PREP: variants seen among roughly 807,000 people sequenced by gnomAD.
The protein encoded by PREP is dJ355L5.1 (prolyl endopeptidase).
Under a neutral mutation model 87.6 loss-of-function variants are expected in PREP, and 29 were observed. The ratio of observed to expected loss-of-function variants is 0.33; its 90% CI spans 0.25 to 0.45. PREP has a LOEUF of 0.45. Among genes scored for constraint, PREP ranks in the 20% least tolerant of loss-of-function variants. The pLI is 1.00. For missense variants in PREP, 695 were observed against 886.5 expected, an observed-to-expected ratio of 0.78 and a Z score of 2.74; for synonymous variants, 337 against 328.6, an observed-to-expected ratio of 1.03 and a Z score of -0.28.
chr6:105,299,156 C>T (rs531847519), intron 10 of PREP, among the ~76,000 whole-genome samples: 2 of 152,196 alleles, frequency 1.3e-5, no homozygotes, highest in African/African-American at 4.8e-5. Flanking sequence ...TCAGTTCTTT[C>T]TCAGCCCTGA....
At chr6:105,353,208 A>G (rs1772003585) in intron 6 of PREP, 131 bp from the exon 7 acceptor site, 1 of 593,626 alleles carries the variant, frequency 1.7e-6, no homozygotes, top group South Asian at 2.8e-5. Context: ...TCATGATCTG[A>G]TAAGAAAGTT....
intron 6 of PREP, among the ~76,000 whole-genome samples, chr6:105,360,545 G>A (rs915518568): frequency 1.2e-4 from 19 of 152,156 alleles, no homozygotes; most frequent in Non-Finnish European, 2.1e-4. Context: ...CAATTCTACT[G>A]TGTATACTGT....
intron 10 of PREP, chr6:105,298,661 G>T: frequency 6.5e-6 from 1 of 153,720 alleles, no homozygotes; most frequent in South Asian, 2.0e-4. Context: ...GGAACGGCCA[G>T]ACTGGGACAT....
chr6:105,356,639 G>T (rs1475391397), intron 6 of PREP, among the ~76,000 whole-genome samples: 1 of 152,108 alleles, frequency 6.6e-6, no homozygotes, highest in East Asian at 1.9e-4. Flanking sequence ...TTGTGCCAGA[G>T]GCCAAAAAAT....
Position 105,329,198 on chromosome 6 carries a change from G to A in PREP, c.1016-172C>T, listed in dbSNP as rs545416656. Among the ~76,000 whole-genome samples, 15 of 151,562 alleles carry A rather than the reference G, an allele frequency of 9.9e-5. 1 individual carries two copies. The South Asian group carries it at 3.1e-3, about 32-fold the overall frequency. On this transcript the variant is annotated intron_variant, in intron 8 of 14. Coordinates refer to ENST00000652536, the MANE Select transcript of PREP (RefSeq NM_002726.5). ...GACAGGGTCTTGCTGTGTCGCCCAG[G>A]CTTGAGTACAGTAGTGCAATCTCAG...
chr6:105,359,338 C>T (rs549198027), intron 6 of PREP, among the ~76,000 whole-genome samples: 1 of 152,256 alleles, frequency 6.6e-6, no homozygotes, highest in South Asian at 2.1e-4. Flanking sequence ...CAGAGAGGGG[C>T]ATCTACAGGG....
rs57359340 is a variant in PREP at position 105,277,228 on chromosome 6, G to GAAACAAAC, written c.*915_*916insGTTTGTTT. ...ATTTCCAGGAGTGATCTATGCAGGA[G>GAAACAAAC]AAACAGCTTGGGAAATGCTGAAATT... On this transcript the variant is annotated 3_prime_UTR_variant, in exon 15 of 15. Coordinates refer to ENST00000652536, the MANE Select transcript of PREP (RefSeq NM_002726.5). Among the ~76,000 whole-genome samples the GAAACAAAC allele has an allele frequency of 3.3e-5, 5 of 150,800 alleles. No individual in the cohort carries two copies. Among genetic ancestry groups the GAAACAAAC allele is most frequent in the African/African-American group, 1.2e-4 (5 of 40,826 alleles).
chr6:105,323,291 C>A (rs2793389), intron 10 of PREP, among the ~76,000 whole-genome samples: 55,424 of 151,902 alleles, frequency 0.36, 14,286 homozygotes, highest in African/African-American at 0.74. Flanking sequence ...CACTTAAGTC[C>A]ATACTTTACA....
intron 10 of PREP, chr6:105,302,842 C>T (rs1413801531): frequency 2.5e-5 from 9 of 356,356 alleles, no homozygotes; most frequent in Non-Finnish European, 3.8e-5. Flanking sequence ...AGGCCGCCCC[C>T]GCCGCCTGCT....
intron 7 of PREP, among the ~76,000 whole-genome samples, chr6:105,338,244 T>C (rs576587516): frequency 6.6e-6 from 1 of 152,320 alleles, no homozygotes; most frequent in East Asian, 1.9e-4. Context: ...AACCACCTTA[T>C]GGTTTCTGCC....
intron 1 of PREP, among the ~76,000 whole-genome samples, chr6:105,398,510 T>C (rs754744030): frequency 6.6e-6 from 1 of 152,266 alleles, no homozygotes; most frequent in Non-Finnish European, 1.5e-5. Flanking sequence ...TTAAAACTAA[T>C]GCCTTTCTTC....
At chr6:105,292,670 ACTT>A (rs139181033) in intron 10 of PREP, among the ~76,000 whole-genome samples, 4,969 of 152,284 alleles carry the variant, frequency 0.033, 257 homozygotes, top group African/African-American at 0.11. Flanking sequence ...CCAGGCACTG[ACTT>A]CTCTCTAGCT....
intron 6 of PREP, among the ~76,000 whole-genome samples, chr6:105,358,007 T>C (rs1220783146): frequency 3.3e-5 from 5 of 152,096 alleles, no homozygotes; most frequent in Admixed American, 3.3e-4. Flanking sequence ...GCACTGATTT[T>C]TTCTTTTGCA....
chr6:105,327,319 G>A (rs1771191225), intron 9 of PREP, among the ~76,000 whole-genome samples: 1 of 152,112 alleles, frequency 6.6e-6, no homozygotes, highest in Admixed American at 6.5e-5. Flanking sequence ...ATGGGGGGAG[G>A]TGCAGGACAC....
intron 7 of PREP, among the ~76,000 whole-genome samples, chr6:105,348,890 A>G (rs1456792384): frequency 2.0e-5 from 3 of 152,022 alleles, no homozygotes; most frequent in Non-Finnish European, 4.4e-5. Context: ...AAAAAAAAAA[A>G]AAAAGTACAA....
chr6:105,316,988 C>G (rs1004290833), intron 10 of PREP, among the ~76,000 whole-genome samples: 1 of 146,250 alleles, frequency 6.8e-6, no homozygotes, highest in African/African-American at 2.5e-5. Flanking sequence ...GAGATAGGGT[C>G]TTGCTGGAGT....
chr6:105,279,881 G>A (rs1716521473), intron 14 of PREP, among the ~76,000 whole-genome samples: 1 of 152,182 alleles, frequency 6.6e-6, no homozygotes, highest in Non-Finnish European at 1.5e-5. Flanking sequence ...ATTTTCAAAT[G>A]AGTTTAAATA....
intron 10 of PREP, among the ~76,000 whole-genome samples, chr6:105,301,464 T>A (rs529546657): frequency 6.6e-6 from 1 of 152,286 alleles, no homozygotes; most frequent in South Asian, 2.1e-4. Context: ...TATGAAGAAC[T>A]TCCTAGGACT....
intron 5 of PREP, among the ~76,000 whole-genome samples, chr6:105,371,115 T>C (rs1008622448): frequency 2.6e-5 from 4 of 152,184 alleles, no homozygotes; most frequent in Admixed American, 6.5e-5. Flanking sequence ...AAAATGAATA[T>C]GTGGGGGCAG....
Sources: allele counts gnomAD v4.1 joint callset (sites outside exome capture counted in the v4.1 genomes callset), GRCh38; gene constraint gnomAD v4.1.1; transcripts MANE v1.5; gene names NCBI Gene and HGNC (gene_info 2026-07-23, HGNC 2026-07-21).